Variants in GNG2 observed in about 807,000 individuals in gnomAD.
The protein encoded by GNG2 is G protein subunit gamma 2, also known as guanine nucleotide-binding protein G(I)/G(S)/G(O) subunit gamma-2.
In GNG2, 5 loss-of-function variants were observed where a neutral mutation model predicts 5.5. The observed-to-expected ratio is 0.91, with a 90% CI of 0.48 to 1.92. The LOEUF is 1.92. Ranked by LOEUF, GNG2 falls within the 30% of genes most tolerant of loss-of-function variation. The probability of loss-of-function intolerance (pLI) is 0.01; values close to 1 mark genes in which losing one functional copy is unlikely to be tolerated. For synonymous variants in GNG2, 28 were observed against 32.0 expected, an observed-to-expected ratio of 0.88 and a Z score of 0.42; for missense variants, 55 against 88.4, an observed-to-expected ratio of 0.62 and a Z score of 1.52.
chr14:51,846,061 A>G (rs1210744818), intron 2 of GNG2, among the ~76,000 whole-genome samples: 1 of 152,190 alleles, frequency 6.6e-6, no homozygotes, highest in Admixed American at 6.5e-5. Flanking sequence ...CCAAAAATTA[A>G]CAGTAAAGCA....
At chr14:51,853,514 C>G (rs1207078145) in intron 2 of GNG2, among the ~76,000 whole-genome samples, 1 of 152,212 alleles carries the variant, frequency 6.6e-6, no homozygotes, top group Non-Finnish European at 1.5e-5. Flanking sequence ...GGGAAATCAA[C>G]AAAGACATAA....
chr14:51,941,094 G>A (rs1888294880), intron 2 of GNG2, among the ~76,000 whole-genome samples: 1 of 151,964 alleles, frequency 6.6e-6, no homozygotes, highest in Admixed American at 6.6e-5. Flanking sequence ...TATAGCATAT[G>A]TTAGTATATA....
chr14:51,929,550 A>G (rs1887533068), intron 2 of GNG2, among the ~76,000 whole-genome samples: 1 of 152,232 alleles, frequency 6.6e-6, no homozygotes, highest in African/African-American at 2.4e-5. Flanking sequence ...GGCATTAGTC[A>G]TAAATATAAG....
At chr14:51,835,887 G>A (rs73289333) in intron 2 of GNG2, among the ~76,000 whole-genome samples, 8,051 of 152,094 alleles carry the variant, frequency 0.053, 468 homozygotes, top group African/African-American at 0.14. Context: ...TAAATGTCCA[G>A]TCTTAGAAGT....
chr14:51,897,915 TG>T (rs1286196485), intron 2 of GNG2, among the ~76,000 whole-genome samples: 2 of 152,176 alleles, frequency 1.3e-5, no homozygotes, highest in Non-Finnish European at 2.9e-5. Flanking sequence ...TGCCTTAAAA[TG>T]AGATGACTGG....
intron 3 of GNG2, chr14:51,951,982 C>A (rs1889004113): frequency 1.5e-6 from 1 of 674,782 alleles, no homozygotes; most frequent in African/African-American, 1.8e-5. Flanking sequence ...ATTACCGAAC[C>A]ACACCCAAAC....
intron 2 of GNG2, among the ~76,000 whole-genome samples, chr14:51,921,730 G>A (rs944253361): frequency 6.6e-6 from 1 of 152,172 alleles, no homozygotes; most frequent in Non-Finnish European, 1.5e-5. Context: ...AGGCTGAGAG[G>A]TGGATGCTCT....
At chr14:51,852,222 C>G (rs1252562356) in intron 2 of GNG2, among the ~76,000 whole-genome samples, 2 of 152,168 alleles carry the variant, frequency 1.3e-5, no homozygotes, top group African/African-American at 2.4e-5. Context: ...GCCATACTAA[C>G]AGATACTATA....
At chr14:51,952,823 ACCTTCCATATT>A (rs1286295365) in intron 3 of GNG2, among the ~76,000 whole-genome samples, 1 of 152,178 alleles carries the variant, frequency 6.6e-6, no homozygotes, top group Non-Finnish European at 1.5e-5. Flanking sequence ...GCCATCAATT[ACCTTCCATATT>A]CCTTCCAAAT....
intron 3 of GNG2, among the ~76,000 whole-genome samples, chr14:51,959,115 C>G (rs79283743): frequency 6.6e-6 from 1 of 152,076 alleles, no homozygotes; most frequent in African/African-American, 2.4e-5. Flanking sequence ...TTGTCTTAGG[C>G]TCTCCAACTT....
At chr14:51,876,909 CA>C (rs919255786) in intron 1 of GNG2, among the ~76,000 whole-genome samples, 36 of 152,178 alleles carry the variant, frequency 2.4e-4, no homozygotes, top group African/African-American at 7.5e-4. Flanking sequence ...GAGGCTTTAG[CA>C]ATTCCCTTTG....
chr14:51,846,349 C>CATAA (rs1408803476), intron 2 of GNG2, among the ~76,000 whole-genome samples: 1 of 152,016 alleles, frequency 6.6e-6, no homozygotes, highest in Non-Finnish European at 1.5e-5. Context: ...TTATGAAAAC[C>CATAA]ATATAAACCT....
At chr14:51,892,676 A>G (rs1229957071) in intron 2 of GNG2, among the ~76,000 whole-genome samples, 3 of 152,210 alleles carry the variant, frequency 2.0e-5, no homozygotes, top group Admixed American at 6.5e-5. Context: ...AAAAAGATAT[A>G]GGAAGAAGCT....
intron 2 of GNG2, among the ~76,000 whole-genome samples, chr14:51,943,659 CAATG>C (rs1441216413): frequency 6.6e-6 from 1 of 151,934 alleles, no homozygotes; most frequent in African/African-American, 2.4e-5. Flanking sequence ...TATTCACTAA[CAATG>C]AATAATCTGA....
intron 2 of GNG2, among the ~76,000 whole-genome samples, chr14:51,933,383 G>A (rs530250993): frequency 6.6e-6 from 1 of 152,082 alleles, no homozygotes; most frequent in Non-Finnish European, 1.5e-5. Context: ...TTGAAGAAGA[G>A]GAAGTGGACA....
chr14:51,831,297 G>T (rs985075617), intron 2 of GNG2, among the ~76,000 whole-genome samples: 1 of 152,126 alleles, frequency 6.6e-6, no homozygotes. Context: ...TACTGTATTT[G>T]TTTGTTTATT....
chr14:51,848,030 GC>G (rs1881719338), intron 2 of GNG2, among the ~76,000 whole-genome samples: 1 of 151,216 alleles, frequency 6.6e-6, no homozygotes, highest in African/African-American at 2.4e-5. Flanking sequence ...ACTCCACACT[GC>G]CCCCTCCACT....
At chr14:51,846,408 ATT>A (rs966095874) in intron 2 of GNG2, among the ~76,000 whole-genome samples, 1 of 152,202 alleles carries the variant, frequency 6.6e-6, no homozygotes, top group Non-Finnish European at 1.5e-5. Context: ...TTACAAATCA[ATT>A]TTAAAAAGAC....
intron 2 of GNG2, chr14:51,914,122 T>C (rs1052246136): frequency 1.5e-6 from 1 of 661,156 alleles, no homozygotes; most frequent in Admixed American, 2.3e-5. Flanking sequence ...GATATTGAAA[T>C]TGCAATCATC....
Sources: allele counts gnomAD v4.1 joint callset (sites outside exome capture counted in the v4.1 genomes callset), GRCh38; gene constraint gnomAD v4.1.1; transcripts MANE v1.5; gene names NCBI Gene and HGNC (gene_info 2026-07-23, HGNC 2026-07-21).